Variants in PTPRM observed in about 807,000 individuals in gnomAD.
PTPRM encodes protein tyrosine phosphatase receptor type M.
A neutral mutation model predicts 186.7 loss-of-function variants in PTPRM; 47 were observed. The observed-to-expected ratio is 0.25, with a 90% CI of 0.20 to 0.32. The LOEUF is 0.32. Ranked by LOEUF, PTPRM falls within the 10% of genes least tolerant of loss-of-function variation. The pLI is 1.00. For missense variants in PTPRM, 1,494 were observed against 1,865.0 expected, an observed-to-expected ratio of 0.80 and a Z score of 3.66; for synonymous variants, 668 against 674.9, an observed-to-expected ratio of 0.99 and a Z score of 0.16.
intron 10 of PTPRM, among the ~76,000 whole-genome samples, chr18:8,088,114 T>C (rs773574669): frequency 6.6e-6 from 1 of 152,130 alleles, no homozygotes; most frequent in Non-Finnish European, 1.5e-5. Context: ...CATTTTGAGA[T>C]GTATAGAAGC....
chr18:8,215,163 A>G (rs2094062583), intron 14 of PTPRM, among the ~76,000 whole-genome samples: 1 of 152,228 alleles, frequency 6.6e-6, no homozygotes, highest in Admixed American at 6.5e-5. Flanking sequence ...AAGCAATAGC[A>G]ATAGGTGACC....
intron 7 of PTPRM, among the ~76,000 whole-genome samples, chr18:8,006,409 A>G (rs1378419653): frequency 6.6e-6 from 1 of 152,158 alleles, no homozygotes; most frequent in Non-Finnish European, 1.5e-5. Flanking sequence ...AGCAGGAAGC[A>G]TTTGCATATT....
At chr18:7,953,965 C>A (rs561808646) in intron 6 of PTPRM, among the ~76,000 whole-genome samples, 77 of 152,214 alleles carry the variant, frequency 5.1e-4, no homozygotes, top group African/African-American at 1.8e-3. Flanking sequence ...AGGCACAAAC[C>A]ACCCATAGAT....
rs76836377 is a variant in PTPRM at position 7,683,124 on chromosome 18, C to T, written c.74-91025C>T. On this transcript the variant is annotated intron_variant, in intron 1 of 32. Coordinates refer to ENST00000580170, the MANE Select transcript of PTPRM (RefSeq NM_001105244.2). ...CAGGCTTGCCATGCACATTTAATGA[C>T]GACTGCCCATGAAATCCCTGGCACT... Among the ~76,000 whole-genome samples the T allele has an allele frequency of 1.5e-3, 232 of 150,882 alleles. 1 individual carries two copies. Among genetic ancestry groups the T allele is most frequent in the African/African-American group, 5.0e-3 (206 of 41,008 alleles).
At chr18:7,825,587 CTCTT>C (rs2045442104) in intron 2 of PTPRM, among the ~76,000 whole-genome samples, 1 of 152,040 alleles carries the variant, frequency 6.6e-6, no homozygotes, top group Admixed American at 6.6e-5. Flanking sequence ...GCCAAAATGA[CTCTT>C]AATTTACAAG....
At chr18:7,678,213 A>C (rs1568023597) in intron 1 of PTPRM, among the ~76,000 whole-genome samples, 1 of 152,150 alleles carries the variant, frequency 6.6e-6, no homozygotes. Context: ...TGCCTTGAGA[A>C]AGTGGGTAGT....
At chr18:8,371,106 C>A in intron 24 of PTPRM, 100 bp downstream of exon 24, 1 of 630,892 alleles carries the variant, frequency 1.6e-6, no homozygotes, top group Non-Finnish European at 2.7e-6. Flanking sequence ...GCTCATATCT[C>A]AATGCAGGTA....
At chr18:8,138,746 C>G (rs1011872388) in intron 13 of PTPRM, among the ~76,000 whole-genome samples, 1 of 152,194 alleles carries the variant, frequency 6.6e-6, no homozygotes, top group Non-Finnish European at 1.5e-5. Context: ...AAGGGCTTCC[C>G]TCCAGCAGGC....
chr18:7,994,351 A>T (rs2083424818), intron 7 of PTPRM, among the ~76,000 whole-genome samples: 1 of 152,086 alleles, frequency 6.6e-6, no homozygotes, highest in African/African-American at 2.4e-5. Flanking sequence ...CTAATGGAAG[A>T]GATAGACTCC....
chr18:7,799,023 G>C (rs1296703107), intron 2 of PTPRM, among the ~76,000 whole-genome samples: 1 of 152,144 alleles, frequency 6.6e-6, no homozygotes, highest in Non-Finnish European at 1.5e-5. Flanking sequence ...TTCATGTTAA[G>C]AGTATCTTAG....
At chr18:7,783,429 G>A (rs1448308056) in intron 2 of PTPRM, among the ~76,000 whole-genome samples, 1 of 152,170 alleles carries the variant, frequency 6.6e-6, no homozygotes. Flanking sequence ...CTTAGTCCCA[G>A]AGTCAGAGGG....
intron 2 of PTPRM, among the ~76,000 whole-genome samples, chr18:7,870,442 A>G (rs1241603924): frequency 6.6e-6 from 1 of 152,058 alleles, no homozygotes; most frequent in Non-Finnish European, 1.5e-5. Context: ...ACCAGATAAC[A>G]TAATTTTTGT....
chr18:8,306,056 C>A (rs1601727988), intron 20 of PTPRM, among the ~76,000 whole-genome samples: 1 of 152,210 alleles, frequency 6.6e-6, no homozygotes, highest in African/African-American at 2.4e-5. Flanking sequence ...CATCACCACA[C>A]CTGGCTAATT....
At chr18:8,197,069 T>A (rs2093788648) in intron 14 of PTPRM, among the ~76,000 whole-genome samples, 1 of 152,202 alleles carries the variant, frequency 6.6e-6, no homozygotes, top group Non-Finnish European at 1.5e-5. Flanking sequence ...TAACTCTGGT[T>A]TGTTTTGAGA....
At chr18:8,169,356 A>T (rs2093365810) in intron 14 of PTPRM, among the ~76,000 whole-genome samples, 1 of 152,124 alleles carries the variant, frequency 6.6e-6, no homozygotes, top group African/African-American at 2.4e-5. Context: ...AAAAAAAAAA[A>T]AATGCTTATC....
intron 14 of PTPRM, among the ~76,000 whole-genome samples, chr18:8,243,207 A>C (rs1052205347): frequency 2.0e-5 from 3 of 152,204 alleles, no homozygotes; most frequent in African/African-American, 7.2e-5. Context: ...TTTGATGGTC[A>C]GCGAGCAGGA....
At chr18:7,796,138 A>G (rs1235635285) in intron 2 of PTPRM, among the ~76,000 whole-genome samples, 1 of 150,798 alleles carries the variant, frequency 6.6e-6, no homozygotes, top group African/African-American at 2.5e-5. Context: ...AACACCACAC[A>G]GCAATAACAA....
chr18:8,006,415 A>G (rs1461597874), intron 7 of PTPRM, among the ~76,000 whole-genome samples: 2 of 152,168 alleles, frequency 1.3e-5, no homozygotes, highest in Non-Finnish European at 2.9e-5. Flanking sequence ...AAGCATTTGC[A>G]TATTACATTA....
chr18:7,974,673 G>A (rs2054812707), intron 7 of PTPRM, among the ~76,000 whole-genome samples: 1 of 152,144 alleles, frequency 6.6e-6, no homozygotes, highest in Admixed American at 6.5e-5. Context: ...TCAACCCCAG[G>A]CTGGCTCTCT....
Sources: allele counts gnomAD v4.1 joint callset (sites outside exome capture counted in the v4.1 genomes callset), GRCh38; gene constraint gnomAD v4.1.1; transcripts MANE v1.5; gene names NCBI Gene and HGNC (gene_info 2026-07-23, HGNC 2026-07-21).